Variants in GPATCH2 observed in about 807,000 individuals in gnomAD.
GPATCH2 encodes the protein G-patch domain containing 2, also known as G patch domain-containing protein 2.
A neutral mutation model predicts 58.0 loss-of-function variants in GPATCH2; 51 were observed. The observed-to-expected ratio is 0.88, with a 90% CI of 0.70 to 1.11. The LOEUF is 1.11. Among genes scored for constraint, GPATCH2 ranks in the 50% most tolerant of loss-of-function variants. The pLI is 0.00. For missense variants in GPATCH2, 625 were observed against 652.2 expected, an observed-to-expected ratio of 0.96 and a Z score of 0.45; for synonymous variants, 222 against 218.5, an observed-to-expected ratio of 1.02 and a Z score of -0.14.
chr1:217,605,125 A>C (rs963326923), intron 5 of GPATCH2, among the ~76,000 whole-genome samples: 5 of 152,234 alleles, frequency 3.3e-5, no homozygotes, highest in African/African-American at 1.2e-4. Context: ...AAGTTGAGCA[A>C]GACATACAGA....
chr1:217,621,504 G>C (rs946565766), intron 1 of GPATCH2, among the ~76,000 whole-genome samples: 2 of 152,178 alleles, frequency 1.3e-5, no homozygotes, highest in Non-Finnish European at 2.9e-5. Context: ...TGGCCTGCTA[G>C]TAAATATTCT....
chr1:217,619,985 G>C lies in GPATCH2; in HGVS notation c.571C>G (p.Gln191Glu). The change falls in exon 2 of 10, where the codon CAG (glutamine) becomes GAG (glutamate). Residue 191 changes from glutamine to glutamate, a missense_variant. Transcript: ENST00000366935. Reference protein sequence around the residue: ...MTQPPEGCRDQDMDSDRAYQY... With the variant: ...MTQPPEGCRDEDMDSDRAYQY... ...TAGGCTCTATCACTGTCCATGTCCT[G>C]ATCTCTACAACCCTCAGGTGGCTGG... The C allele has an allele frequency of 2.5e-6, 4 of 1,613,902 alleles. No individual in the cohort carries two copies. The highest frequency in any genetic ancestry group is 3.4e-6 in the Non-Finnish European group (4 of 1,179,928).
intron 1 of GPATCH2, among the ~76,000 whole-genome samples, chr1:217,626,199 T>C (rs1001371570): frequency 2.0e-5 from 3 of 152,182 alleles, no homozygotes; most frequent in Admixed American, 6.5e-5. Context: ...ATCTGCTTAA[T>C]TGGCTTACAA....
intron 5 of GPATCH2, among the ~76,000 whole-genome samples, chr1:217,521,333 TA>T (rs1663443683): frequency 8.3e-6 from 1 of 120,654 alleles, no homozygotes; most frequent in South Asian, 2.6e-4. Context: ...TACCACCTAG[TA>T]CTTTTTCCCC....
intron 8 of GPATCH2, among the ~76,000 whole-genome samples, chr1:217,477,729 G>A (rs1356030459): frequency 2.0e-5 from 3 of 152,124 alleles, no homozygotes; most frequent in Non-Finnish European, 4.4e-5. Context: ...TGCCAAATCA[G>A]TGGAGTATAA....
chr1:217,631,021 C>A lies in GPATCH2; in HGVS notation c.-50G>T. The A allele has an allele frequency of 1.3e-6, 2 of 1,506,614 alleles. No individual in the cohort carries two copies. Among genetic ancestry groups the A allele is most frequent in the Non-Finnish European group, 1.8e-6 (2 of 1,111,532 alleles). The allele number at this position is 1,506,614 out of a possible 1,614,324, so 93.3% of individuals were successfully genotyped here. A position where few individuals can be genotyped will look rare whatever the true frequency, so the allele number is the denominator to read the frequency against. On this transcript the variant is annotated 5_prime_UTR_variant, in exon 1 of 10. Transcript: ENST00000366935. ...CGAAGCTCAGGCCCGTGAACAGACT[C>A]CAACTACAACAGCACCGGCGACTTC...
At chr1:217,455,613 G>A (rs1166731643) in intron 8 of GPATCH2, among the ~76,000 whole-genome samples, 2 of 152,112 alleles carry the variant, frequency 1.3e-5, no homozygotes, top group East Asian at 3.9e-4. Context: ...CTCTTCTGGA[G>A]CTACTGTTTA....
intron 5 of GPATCH2, among the ~76,000 whole-genome samples, chr1:217,515,943 G>GCAGC (rs1238476535): frequency 6.6e-6 from 1 of 152,010 alleles, no homozygotes; most frequent in Non-Finnish European, 1.5e-5. Flanking sequence ...GAAGTGGTGA[G>GCAGC]CAGCCCTTTT....
At chr1:217,627,952 A>T (rs1669544341) in intron 1 of GPATCH2, among the ~76,000 whole-genome samples, 1 of 152,116 alleles carries the variant, frequency 6.6e-6, no homozygotes, top group East Asian at 1.9e-4. Flanking sequence ...TCTAATAAGT[A>T]ATTCATTATA....
rs951445441 is a variant in GPATCH2, at chr1:217,503,796, G to GA, written c.1167-5402dup. Among the ~76,000 whole-genome samples the GA allele has an allele frequency of 1.4e-3, 211 of 150,782 alleles. 3 individuals carry two copies. The East Asian group carries it at 0.033, about 24-fold the overall frequency. On this transcript the variant is annotated intron_variant, in intron 6 of 9. Coordinates refer to ENST00000366935, the MANE Select transcript of GPATCH2 (RefSeq NM_018040.5). ...GATGAAGAACGTTGAATTCCAGGAG[G>GA]AAAAAAAAAGTGTGCTAAGTGCCAG...
intron 5 of GPATCH2, among the ~76,000 whole-genome samples, chr1:217,596,798 G>A (rs938284160): frequency 6.6e-6 from 1 of 152,098 alleles, no homozygotes. Context: ...ACTGGGCATA[G>A]GGAAGGACTT....
intron 8 of GPATCH2, among the ~76,000 whole-genome samples, chr1:217,467,435 G>C (rs771811636): frequency 6.6e-6 from 1 of 151,918 alleles, no homozygotes; most frequent in African/African-American, 2.4e-5. Flanking sequence ...TATTCCTAGC[G>C]TACTTATAGT....
rs1669091119 is a variant in GPATCH2 at position 217,619,822 on chromosome 1, C to T, written c.734G>A (p.Cys245Tyr). 1 of 1,606,344 alleles carries T rather than the reference C, an allele frequency of 6.2e-7. No homozygotes were observed. The highest frequency in any genetic ancestry group is 8.5e-7 in the Non-Finnish European group (1 of 1,176,394). Residue 245 changes from cysteine to tyrosine, a missense_variant, in exon 2 of 10, where the codon TGT (cysteine) becomes TAT (tyrosine). Transcript: ENST00000366935. ...TNQTNKDKMECEEQKVSDELM... is the reference protein window; with the variant it reads ...TNQTNKDKMEYEEQKVSDELM... ...CTCATCTGAGACTTTTTGCTCTTCA[C>T]ATTCCATTTTGTCCTTATTGGTCTG...
chr1:217,434,515 T>C (rs1201098925), intron 9 of GPATCH2, among the ~76,000 whole-genome samples: 1 of 152,212 alleles, frequency 6.6e-6, no homozygotes, highest in African/African-American at 2.4e-5. Flanking sequence ...CCCTGATTTT[T>C]CAGTGATTGC....
At chr1:217,509,733 G>A (rs959588153) in intron 6 of GPATCH2, among the ~76,000 whole-genome samples, 14 of 152,146 alleles carry the variant, frequency 9.2e-5, no homozygotes, top group Non-Finnish European at 1.9e-4. Flanking sequence ...CCTATGATTT[G>A]AGTGTAACGC....
chr1:217,458,827 C>T (rs1660073542), intron 8 of GPATCH2, among the ~76,000 whole-genome samples: 1 of 152,114 alleles, frequency 6.6e-6, no homozygotes. Flanking sequence ...GCTACTCTTC[C>T]AAGTGTTTTT....
intron 5 of GPATCH2, among the ~76,000 whole-genome samples, chr1:217,549,985 A>T (rs1665267204): frequency 1.3e-5 from 2 of 152,122 alleles, no homozygotes; most frequent in Non-Finnish European, 2.9e-5. Flanking sequence ...TTAACGGGAG[A>T]ACTCTGTAAG....
chr1:217,530,250 G>C (rs919883570), intron 5 of GPATCH2, among the ~76,000 whole-genome samples: 1 of 152,108 alleles, frequency 6.6e-6, no homozygotes, highest in African/African-American at 2.4e-5. Context: ...TGAAAACTGG[G>C]CTATGGAGCC....
chr1:217,609,167 A>G, intron 5 of GPATCH2: 3 of 973,376 alleles, frequency 3.1e-6, no homozygotes, highest in Non-Finnish European at 2.4e-6. Flanking sequence ...TGAACTTATT[A>G]TAGTGTCTAA....
Sources: gnomAD v4.1 joint callset for allele counts (sites outside exome capture counted in the v4.1 genomes callset) on GRCh38, gnomAD v4.1.1 for gene constraint, MANE v1.5 for transcripts, NCBI Gene and HGNC (gene_info 2026-07-23, HGNC 2026-07-21) for gene names.